Variants in ADAM12 observed in about 807,000 individuals in gnomAD.
ADAM12 encodes ADAM metallopeptidase domain 12.
A neutral mutation model predicts 106.4 loss-of-function variants in ADAM12; 70 were observed. The ratio of observed to expected loss-of-function variants is 0.66; its 90% CI spans 0.54 to 0.80. The LOEUF is 0.80. ADAM12 is among the 30% of genes least tolerant of loss of function. The pLI is 0.00. For synonymous variants in ADAM12, 420 were observed against 433.5 expected (o/e 0.97, Z 0.39); for missense variants, 1,010 against 1,171.9 (o/e 0.86, Z 2.02).
At chr10:126,238,392 T>A (rs867393726) in intron 3 of ADAM12, among the ~76,000 whole-genome samples, 1 of 152,114 alleles carries the variant, frequency 6.6e-6, no homozygotes. Context: ...GGCAGGAGAA[T>A]CGCTTGAACC....
intron 3 of ADAM12, among the ~76,000 whole-genome samples, chr10:126,243,558 T>G (rs1365229066): frequency 1.3e-5 from 2 of 151,706 alleles, no homozygotes; most frequent in African/African-American, 4.8e-5. Flanking sequence ...TGGGTGTGTG[T>G]GTAGGCCATT....
At chr10:126,065,890 C>G (rs1237927069) in intron 13 of ADAM12, among the ~76,000 whole-genome samples, 3 of 152,150 alleles carry the variant, frequency 2.0e-5, no homozygotes, top group Non-Finnish European at 1.5e-5. Flanking sequence ...TCACCAGTTA[C>G]TGGGAGCCAG....
At position 126,161,099 on chromosome 10, in the gene ADAM12, G is replaced by A. The variant is rs553670608; in HGVS notation, c.261-5794C>T. Among the ~76,000 whole-genome samples, 21 of 140,886 alleles carry A rather than the reference G, an allele frequency of 1.5e-4. No individual in the cohort carries two copies. In the South Asian group the frequency reaches 2.3e-3, roughly 15 times the overall value. 92.4% of individuals were successfully genotyped at this position (140,886 alleles called of 152,430 possible). A position where few individuals can be genotyped will look rare whatever the true frequency, so the allele number is the denominator to read the frequency against. On this transcript the variant is annotated intron_variant, in intron 3 of 22. Coordinates refer to ENST00000448723, the MANE Select transcript of ADAM12 (RefSeq NM_001288973.2). ...CCTGGTATTCCTATTTTGTTTATGC[G>A]TCTCCTTACTTATTTATCTCTACCT...
At chr10:126,072,608 T>C (rs867230637) in intron 11 of ADAM12, among the ~76,000 whole-genome samples, 2 of 152,170 alleles carry the variant, frequency 1.3e-5, no homozygotes, top group Non-Finnish European at 2.9e-5. Flanking sequence ...CAGAGCATCA[T>C]ACAGAAGGAA....
chr10:126,074,836 C>G (rs964355665), intron 11 of ADAM12, among the ~76,000 whole-genome samples: 2 of 152,300 alleles, frequency 1.3e-5, no homozygotes, highest in Non-Finnish European at 2.9e-5. Context: ...GATGAATTCA[C>G]CAACACTGAA....
intron 3 of ADAM12, among the ~76,000 whole-genome samples, chr10:126,256,174 T>G (rs796851827): frequency 1.1e-4 from 17 of 152,204 alleles, no homozygotes; most frequent in African/African-American, 3.9e-4. Context: ...TCCAGGTGAT[T>G]CTAATGTCCA....
chr10:126,243,485 GTGTA>G (rs973419924), intron 3 of ADAM12, among the ~76,000 whole-genome samples: 1 of 99,640 alleles, frequency 1.0e-5, no homozygotes, highest in African/African-American at 3.2e-5. Context: ...GTGTGTGTGA[GTGTA>G]TGTGTGTGTG....
intron 4 of ADAM12, among the ~76,000 whole-genome samples, chr10:126,152,579 CT>C (rs921288040): frequency 5.3e-5 from 8 of 149,860 alleles, no homozygotes; most frequent in African/African-American, 1.5e-4. Flanking sequence ...TTTTGTTTTG[CT>C]TTTTTTTTAA....
intron 4 of ADAM12, among the ~76,000 whole-genome samples, chr10:126,140,169 T>A (rs61863388): frequency 0.047 from 7,175 of 151,980 alleles, 239 homozygotes; most frequent in Non-Finnish European, 0.074. Context: ...ATCTTTGGGG[T>A]CACATATGGT....
chr10:126,043,144 C>T lies in ADAM12; in HGVS notation c.2000G>A (p.Cys667Tyr). ...CAMQCHGRGV[C>Y]NNRKNCHCEA... is the part of the protein sequence containing the mutation. ...GCAGTGGCAGTTCTTCCTGTTGTTG[C>T]ACACCTTTCAGGGCAGAGGGGAGGG... is the stretch of plus-strand genomic sequence containing the variant. Residue 667 changes from cysteine (C) to tyrosine (Y), a missense_variant, in exon 18 of 23, where the codon TGC (cysteine) becomes TAC (tyrosine). By Grantham distance (194) the Cys-to-Tyr change is radical. Transcript: ENST00000448723. The surrounding 1 kb of genome is among the most constrained non-coding windows in gnomAD (Gnocchi z 4.1). The T allele has an allele frequency of 1.2e-6, 2 of 1,614,006 alleles. No individual in the cohort carries two copies. The highest frequency in any genetic ancestry group is 2.2e-5 in the South Asian group (2 of 91,058).
rs147780255 is a variant in ADAM12, at chr10:126,347,447, C to T, written c.89-16938G>A. On this transcript the variant is annotated intron_variant, in intron 1 of 22. Transcript: ENST00000448723. ...TAACCCGACCTTTCTCTCTGGCTGCCCTTAACATTCTTTCCTTCATTTCAA... is the reference window on the plus strand; with the variant it reads ...TAACCCGACCTTTCTCTCTGGCTGCTCTTAACATTCTTTCCTTCATTTCAA... 3.9e-3 allele frequency among the ~76,000 whole-genome samples: 593 copies of T among 152,234 alleles called. 1 individual carries two copies. Among genetic ancestry groups the T allele is most frequent in the African/African-American group, 0.014 (567 of 41,530 alleles).
chr10:126,184,041 G>A (rs567613986), intron 3 of ADAM12, among the ~76,000 whole-genome samples: 29 of 152,050 alleles, frequency 1.9e-4, no homozygotes, highest in African/African-American at 6.8e-4. Context: ...ATCTAATAAC[G>A]TCATAACTCT....
At chr10:126,311,137 A>ACACC (rs1491391781) in intron 2 of ADAM12, among the ~76,000 whole-genome samples, 35 of 145,876 alleles carry the variant, frequency 2.4e-4, no homozygotes, top group Non-Finnish European at 4.1e-4. Flanking sequence ...ACACACACAC[A>ACACC]CCTGCACGCA....
intron 3 of ADAM12, among the ~76,000 whole-genome samples, chr10:126,222,173 G>T (rs539896308): frequency 3.5e-4 from 54 of 152,164 alleles, no homozygotes; most frequent in Non-Finnish European, 6.2e-4. Context: ...GCTCATAGGT[G>T]GCTAGCCTTT....
intron 5 of ADAM12, among the ~76,000 whole-genome samples, chr10:126,118,714 G>T (rs1427985457): frequency 1.3e-5 from 2 of 152,308 alleles, no homozygotes; most frequent in Non-Finnish European, 2.9e-5. Context: ...TGTCATCTGA[G>T]TAGTGTACGT....
At chr10:126,108,339 G>T (rs1955812138) in intron 8 of ADAM12, among the ~76,000 whole-genome samples, 1 of 152,158 alleles carries the variant, frequency 6.6e-6, no homozygotes, top group Non-Finnish European at 1.5e-5. Flanking sequence ...CCTCAGACTG[G>T]TATTCCACCT....
chr10:126,269,032 A>G lies in ADAM12; in HGVS notation c.260+9883T>C, dbSNP rs529637213. 7.8e-4 allele frequency among the ~76,000 whole-genome samples: 119 copies of G among 152,216 alleles called. 1 individual carries two copies. Among genetic ancestry groups the G allele is most frequent in the African/African-American group, 2.8e-3 (115 of 41,534 alleles). On this transcript the variant is annotated intron_variant, in intron 3 of 22. Coordinates refer to ENST00000448723, the MANE Select transcript of ADAM12 (RefSeq NM_001288973.2). ...CCGCTGGTTATCCATTTTTATGGTTATTTCTTGATGATATGCTAAACAAGG... is the reference window on the plus strand; with the variant it reads ...CCGCTGGTTATCCATTTTTATGGTTGTTTCTTGATGATATGCTAAACAAGG...
intron 2 of ADAM12, among the ~76,000 whole-genome samples, chr10:126,320,908 T>C (rs1854072726): frequency 6.6e-6 from 1 of 152,266 alleles, no homozygotes; most frequent in African/African-American, 2.4e-5. Context: ...GTAATGTCTT[T>C]GCAATTTTTC....
At chr10:126,236,803 C>T (rs1021010633) in intron 3 of ADAM12, among the ~76,000 whole-genome samples, 4 of 152,132 alleles carry the variant, frequency 2.6e-5, no homozygotes, top group African/African-American at 9.7e-5. Context: ...ATGAAGGAAC[C>T]AACAGATCTC....
Sources: gnomAD v4.1 joint callset for allele counts (sites outside exome capture counted in the v4.1 genomes callset) on GRCh38, gnomAD v4.1.1 for gene constraint, Gnocchi (gnomAD v3.1) non-coding constraint, MANE v1.5 for transcripts, NCBI Gene and HGNC (gene_info 2026-07-23, HGNC 2026-07-21) for gene names.